Variants in DBI observed in about 807,000 individuals in gnomAD.
DBI encodes the protein diazepam binding inhibitor, acyl-CoA binding protein.
In DBI, 12 loss-of-function variants were observed where a neutral mutation model predicts 13.0. The ratio of observed to expected loss-of-function variants is 0.92; its 90% CI spans 0.59 to 1.49. The LOEUF is 1.49. Among genes scored for constraint, DBI ranks in the 40% most tolerant of loss-of-function variants. DBI has a pLI of 0.00. For missense variants in DBI, 95 were observed against 104.8 expected (o/e 0.91, Z 0.41); for synonymous variants, 37 against 37.4 (o/e 0.99, Z 0.04).
intron 2 of DBI, among the ~76,000 whole-genome samples, chr2:119,369,313 A>G (rs1166849416): frequency 1.3e-5 from 2 of 152,168 alleles, no homozygotes; most frequent in Admixed American, 6.5e-5. Flanking sequence ...CCCGTACTAG[A>G]GTTACCGATT....
At position 119,367,060 on chromosome 2, in the gene DBI, G is replaced by A; in HGVS notation, c.9G>A (p.Gln3=). 4 of 1,614,102 alleles carry A rather than the reference G, an allele frequency of 2.5e-6. No individual in the cohort carries two copies. The South Asian group carries it at 3.3e-5, about 13-fold the overall frequency. Residue 3 remains glutamine, a splice_region_variant and synonymous_variant, in exon 1 of 4, where the codon CAG becomes CAA. Transcript: ENST00000355857. MS[Q]AEFEKAAEEV... The stretch of plus-strand genomic sequence containing the variant: ...CTTGCAAGTCGGCCAGGATGTCTCA[G>A]GTACAGCGCGTGCACAGCCAGGCTG...
chr2:119,370,610 C>T, intron 2 of DBI, 130 bp from the exon 3 acceptor site: 1 of 760,164 alleles, frequency 1.3e-6, no homozygotes, highest in South Asian at 1.8e-5. Context: ...CTCTACTAGA[C>T]CTATTTAACC....
rs1681579533 is a variant in DBI at position 119,372,324 on chromosome 2, T to A, written c.*6T>A. 1 of 1,603,036 alleles carries A rather than the reference T, an allele frequency of 6.2e-7. No individual in the cohort carries two copies. The highest frequency in any genetic ancestry group is 1.7e-5 in the Admixed American group (1 of 59,972). ...AGAAAAAATACGGGATATGAGAGAC[T>A]GGATTTGGTTACTGTGCCATGTGTT... On this transcript the variant is annotated 3_prime_UTR_variant, in exon 4 of 4. Coordinates refer to ENST00000355857, the MANE Select transcript of DBI (RefSeq NM_001079862.4).
chr2:119,370,677 G>A (rs965611614), intron 2 of DBI, 63 bp from the exon 3 acceptor site: 49 of 1,479,894 alleles, frequency 3.3e-5, no homozygotes, highest in Non-Finnish European at 4.3e-5. Context: ...ATGGCAAGAA[G>A]GTTGATCAAG....
intron 3 of DBI, 118 bp downstream of exon 3, chr2:119,370,920 G>A: frequency 1.1e-6 from 1 of 874,960 alleles, no homozygotes; most frequent in Non-Finnish European, 1.8e-6. Context: ...TGGGAAACCA[G>A]CCTGACCTGT....
intron 2 of DBI, among the ~76,000 whole-genome samples, chr2:119,369,798 T>C (rs994158631): frequency 6.6e-6 from 1 of 151,760 alleles, no homozygotes; most frequent in Non-Finnish European, 1.5e-5. Flanking sequence ...AAAAAAAAAA[T>C]TTTAACTGAA....
chr2:119,368,951 G>A (rs899170893), intron 2 of DBI: 2 of 152,554 alleles, frequency 1.3e-5, no homozygotes, highest in African/African-American at 4.8e-5. Context: ...AGGACTCAGG[G>A]TTATCATGGC....
At chr2:119,368,951 G>T (rs899170893) in intron 2 of DBI, 1 of 152,436 alleles carries the variant, frequency 6.6e-6, no homozygotes, top group South Asian at 2.1e-4. Flanking sequence ...AGGACTCAGG[G>T]TTATCATGGC....
In DBI at chr2:119,368,317, G is replaced by A. The variant is rs774335931; in HGVS notation, c.127+12G>A. The A allele has an allele frequency of 2.0e-5, 32 of 1,600,502 alleles. No homozygotes were observed. Among genetic ancestry groups the A allele is most frequent in the Middle Eastern group, 1.7e-4 (1 of 6,046 alleles). On this transcript the variant is annotated intron_variant, in intron 2 of 3. Coordinates refer to ENST00000355857, the MANE Select transcript of DBI (RefSeq NM_001079862.4). ...CGACATAAATACAGGTATGCAGAGC[G>A]GGGGTTGGAAGGGCATCTGCTCATC...
chr2:119,367,183 A>G (rs1397178849), intron 1 of DBI, 123 bp downstream of exon 1: 2 of 1,514,492 alleles, frequency 1.3e-6, no homozygotes, highest in African/African-American at 1.4e-5. Context: ...TCATGGGCCC[A>G]TGCCTAGCCC....
chr2:119,371,123 G>A (rs1334044542), intron 3 of DBI, among the ~76,000 whole-genome samples: 1 of 152,168 alleles, frequency 6.6e-6, no homozygotes, highest in Non-Finnish European at 1.5e-5. Context: ...GTGGTTTCCT[G>A]TCTGCAACTC....
intron 3 of DBI, 104 bp downstream of exon 3, chr2:119,370,906 C>T (rs956309): frequency 0.19 from 199,300 of 1,064,388 alleles, 20,000 homozygotes; most frequent in East Asian, 0.25. Context: ...CAATGGGGCA[C>T]GTGTGGGAAA....
At chr2:119,370,690 C>T (rs1573726736) in intron 2 of DBI, 50 bp from the exon 3 acceptor site, 3 of 1,541,416 alleles carry the variant, frequency 1.9e-6, no homozygotes, top group Admixed American at 1.7e-5. Flanking sequence ...TGATCAAGTT[C>T]TCCATTAGAA....
Position 119,372,315 on chromosome 2 carries a change from A to G in DBI, c.261A>G (p.Ile87Met). The G allele has an allele frequency of 6.2e-7, 1 of 1,609,958 alleles. No homozygotes were observed. Among genetic ancestry groups the G allele is most frequent in the East Asian group, 2.2e-5 (1 of 44,862 alleles). The change falls in exon 4 of 4, where the codon ATA (isoleucine) becomes ATG (methionine). Residue 87 changes from isoleucine to methionine, a missense_variant. By Grantham distance (10) the Ile-to-Met change is conservative. Coordinates refer to ENST00000355857, the MANE Select transcript of DBI (RefSeq NM_001079862.4). The stretch of plus-strand genomic sequence containing the variant: ...AAGAGCTAAAGAAAAAATACGGGAT[A>G]TGAGAGACTGGATTTGGTTACTGTG... ...KVEELKKKYG[I>M]
In DBI at chr2:119,367,853, G is replaced by C. The variant is rs574920503; in HGVS notation, c.10-335G>C. 6 of 1,613,694 alleles carry C rather than the reference G, an allele frequency of 3.7e-6. No individual in the cohort carries two copies. The East Asian group carries it at 1.3e-4, about 36-fold the overall frequency. On this transcript the variant is annotated intron_variant, in intron 1 of 3. Coordinates refer to ENST00000355857, the MANE Select transcript of DBI (RefSeq NM_001079862.4). ...GGCAGTTGGCCGCGCTGCTTCTCCC[G>C]CAGAGGGGACCCCCACTGGGGGCGA...
At chr2:119,369,024 C>A (rs562382355) in intron 2 of DBI, among the ~76,000 whole-genome samples, 1 of 152,152 alleles carries the variant, frequency 6.6e-6, no homozygotes, top group South Asian at 2.1e-4. Context: ...TCCCTATTTC[C>A]GCAGTAGCTG....
chr2:119,367,588 T>C (rs147063900), intron 1 of DBI: 8 of 1,613,856 alleles, frequency 5.0e-6, no homozygotes, highest in Admixed American at 1.7e-5. Context: ...CCGAGCTATG[T>C]GGGGCGACCT....
chr2:119,372,256 G>A lies in DBI; in HGVS notation c.202G>A (p.Glu68Lys). Residue 68 changes from glutamate to lysine, a missense_variant, in exon 4 of 4, where the codon GAA (glutamate) becomes AAA (lysine). Coordinates refer to ENST00000355857, the MANE Select transcript of DBI (RefSeq NM_001079862.4). Reference sequence around the variant, plus strand: ...TCGATTCCTTACAGGGACTTCCAAGGAAGATGCCATGAAAGCTTACATCAA... The same window carrying A: ...TCGATTCCTTACAGGGACTTCCAAGAAAGATGCCATGAAAGCTTACATCAA... The part of the protein sequence containing the change: ...AWNELKGTSK[E>K]DAMKAYINKV... The A allele has an allele frequency of 6.2e-7, 1 of 1,613,442 alleles. No individual in the cohort carries two copies. Among genetic ancestry groups the A allele is most frequent in the Non-Finnish European group, 8.5e-7 (1 of 1,179,482 alleles).
chr2:119,369,787 A>G (rs1681380997), intron 2 of DBI, among the ~76,000 whole-genome samples: 1 of 148,832 alleles, frequency 6.7e-6, no homozygotes, highest in South Asian at 2.1e-4. Context: ...CTCTGTCTCT[A>G]AAAAAAAAAA....
Sources: gnomAD v4.1 joint callset for allele counts (sites outside exome capture counted in the v4.1 genomes callset) on GRCh38, gnomAD v4.1.1 for gene constraint, MANE v1.5 for transcripts, NCBI Gene and HGNC (gene_info 2026-07-23, HGNC 2026-07-21) for gene names.